CDH23: variants seen among roughly 807,000 people sequenced by gnomAD.
The protein encoded by CDH23 is cadherin related 23.
CDH23 carries 189 observed loss-of-function variants against 317.1 expected under a neutral mutation model. The ratio of observed to expected loss-of-function variants is 0.60; its 90% CI spans 0.53 to 0.67. CDH23 has a LOEUF of 0.67. Among genes scored for constraint, CDH23 ranks in the 30% least tolerant of loss-of-function variants. The pLI is 0.00. For missense variants in CDH23, 4,401 were observed against 4,592.4 expected (o/e 0.96, Z 1.20); for synonymous variants, 1,839 against 1,876.8 (o/e 0.98, Z 0.52).
At chr10:71,458,576 C>T (rs2132054024) in intron 3 of CDH23, among the ~76,000 whole-genome samples, 1 of 152,332 alleles carries the variant, frequency 6.6e-6, no homozygotes, top group Non-Finnish European at 1.5e-5. Flanking sequence ...AGCAATTCAT[C>T]TTTAAATGCT....
At chr10:71,442,020 G>T (rs568507648) in intron 2 of CDH23, among the ~76,000 whole-genome samples, 2 of 152,324 alleles carry the variant, frequency 1.3e-5, no homozygotes, top group African/African-American at 2.4e-5. Context: ...TTGTCAAAGT[G>T]ATCAAATGGA....
At chr10:71,442,647 G>C (rs865802933) in intron 2 of CDH23, among the ~76,000 whole-genome samples, 2 of 152,182 alleles carry the variant, frequency 1.3e-5, no homozygotes, top group African/African-American at 4.8e-5. Context: ...CCGTGGGCTT[G>C]TTGGGGAGGC....
intron 3 of CDH23, among the ~76,000 whole-genome samples, chr10:71,469,245 C>T (rs575554168): frequency 2.0e-5 from 3 of 152,304 alleles, no homozygotes; most frequent in South Asian, 2.1e-4. Flanking sequence ...ATTAAGATAG[C>T]GAACATATCC....
rs748143910 is a variant in CDH23 at position 71,707,056 on chromosome 10, C to T, written c.3106+7C>T. The T allele has an allele frequency of 2.1e-5, 33 of 1,596,650 alleles. No homozygotes were observed. The highest frequency in any genetic ancestry group is 2.6e-5 in the Non-Finnish European group (31 of 1,171,958). ...CTCAGCTACTTCATCACAGGTGCTGCCCCGGCCTCCGCCCACCTGTGCAGG... is the reference window on the plus strand; with the variant it reads ...CTCAGCTACTTCATCACAGGTGCTGTCCCGGCCTCCGCCCACCTGTGCAGG... On this transcript the variant is annotated splice_region_variant and intron_variant, in intron 26 of 69. Coordinates refer to ENST00000224721, the MANE Select transcript of CDH23 (RefSeq NM_022124.6).
intron 27 of CDH23, among the ~76,000 whole-genome samples, chr10:71,709,477 A>C (rs1258456763): frequency 1.3e-5 from 2 of 152,260 alleles, no homozygotes; most frequent in Non-Finnish European, 2.9e-5. Flanking sequence ...CAGGCAAGCC[A>C]GCAGGAAGGG....
At chr10:71,639,417 G>T (rs1862428197) in intron 11 of CDH23, among the ~76,000 whole-genome samples, 1 of 152,216 alleles carries the variant, frequency 6.6e-6, no homozygotes, top group South Asian at 2.1e-4. Context: ...ACCAGTCCAG[G>T]CTTTGTGCCC....
chr10:71,439,787 A>C (rs1849786488), intron 1 of CDH23, 40 bp from the exon 2 acceptor site: 2 of 1,482,348 alleles, frequency 1.3e-6, no homozygotes, highest in South Asian at 2.4e-5. Context: ...TCTGCCACCC[A>C]GGAAGCTTCT....
In CDH23 at chr10:71,812,526, G is replaced by T; in HGVS notation, c.9427G>T (p.Ala3143Ser). 1 of 1,613,922 alleles carries T rather than the reference G, an allele frequency of 6.2e-7. No individual in the cohort carries two copies. The highest frequency in any genetic ancestry group is 2.2e-5 in the East Asian group (1 of 44,884). Residue 3143 changes from alanine to serine, a missense_variant, in exon 67 of 70, where the codon GCC becomes TCC. This residue lies in a region of CDH23 where 1,144 missense variants were observed against 1,138.2 expected (regional missense o/e 1.01). Coordinates refer to ENST00000224721, the MANE Select transcript of CDH23 (RefSeq NM_022124.6). ...TCCCTTCTGTCGGAACCTGGAGCTG[G>T]CCGCCCAGGCGGAGCATGAGGATGA... ...LDPFCRNLEL[A>S]AQAEHEDDLP...
intron 45 of CDH23, 93 bp from the exon 46 acceptor site, chr10:71,790,195 A>G (rs953150577): frequency 2.0e-5 from 31 of 1,517,310 alleles, no homozygotes; most frequent in Non-Finnish European, 2.8e-5. Flanking sequence ...CCTCTCATCC[A>G]TCGTCAGCCA....
Position 71,530,274 on chromosome 10 carries a change from C to T in CDH23, c.429+19062C>T, listed in dbSNP as rs77335194. On this transcript the variant is annotated intron_variant, in intron 6 of 69. Transcript: ENST00000224721. ...CCCTCCTTGGGGGCTCTGGACCCGT[C>T]GGCCAGGCTGGGTGAGGAGAGAGAG... Among the ~76,000 whole-genome samples, 454 of 152,322 alleles carry T rather than the reference C, an allele frequency of 3.0e-3. 13 individuals are homozygous for T. In the East Asian group the frequency reaches 0.062, roughly 21 times the overall value.
At chr10:71,418,088 T>C (rs116609510) in intron 1 of CDH23, among the ~76,000 whole-genome samples, 2,605 of 152,322 alleles carry the variant, frequency 0.017, 78 homozygotes, top group African/African-American at 0.058. Context: ...ATTCATCTTT[T>C]TTCAACTATT....
At chr10:71,473,263 C>T (rs1413586238) in intron 3 of CDH23, among the ~76,000 whole-genome samples, 1 of 152,188 alleles carries the variant, frequency 6.6e-6, no homozygotes, top group Non-Finnish European at 1.5e-5. Context: ...TGGACTTACT[C>T]AGGGGCTGTA....
At chr10:71,428,043 T>C (rs1304806363) in intron 1 of CDH23, among the ~76,000 whole-genome samples, 1 of 152,100 alleles carries the variant, frequency 6.6e-6, no homozygotes, top group Non-Finnish European at 1.5e-5. Context: ...ACTGTCATGC[T>C]ACTTTCTCCA....
chr10:71,396,942 G>T lies in CDH23; in HGVS notation c.-382G>T. 1 of 153,532 alleles carries T rather than the reference G, an allele frequency of 6.5e-6. No homozygotes were observed. Among genetic ancestry groups the T allele is most frequent in the South Asian group, 1.9e-4 (1 of 5,326 alleles). The allele number at this position is 153,532 out of a possible 1,614,324, so 9.5% of individuals were successfully genotyped here. ...GTTGATCGCGGACTTGAGCGGCGGC[G>T]GCGGCTCGGGAGAGAGGGACGCGGG... On this transcript the variant is annotated 5_prime_UTR_variant, in exon 1 of 70. Transcript: ENST00000224721. The surrounding 1 kb of genome is among the most constrained non-coding windows in gnomAD (Gnocchi z 4.2).
At position 71,690,556 on chromosome 10, in the gene CDH23, C is replaced by T; in HGVS notation, c.2148C>T (p.Ser716=). Residue 716 remains serine (S), a synonymous_variant, in exon 20 of 70, where the codon TCC becomes TCT. Transcript: ENST00000224721. ...CCATCATCTACTCCTTGGAAGGCTC[C>T]ACCCAGTTTCGGATCAATGCCCGCT... ...QESIIYSLEG[S]TQFRINARSG... is the part of the protein sequence containing the mutation. 6.2e-7 allele frequency: 1 copy of T among 1,607,026 alleles called. No homozygotes were observed. The highest frequency in any genetic ancestry group is 1.1e-5 in the South Asian group (1 of 89,088).
At chr10:71,701,013 G>A (rs1442371739) in intron 22 of CDH23, among the ~76,000 whole-genome samples, 1 of 152,168 alleles carries the variant, frequency 6.6e-6, no homozygotes, top group African/African-American at 2.4e-5. Context: ...ACACTGTCCT[G>A]ATGTGGCCCC....
At chr10:71,810,364 A>T in intron 61 of CDH23, 108 bp from the exon 62 acceptor site, 1 of 1,020,998 alleles carries the variant, frequency 9.8e-7, no homozygotes, top group African/African-American at 1.6e-5. Flanking sequence ...TTCAGTAGTG[A>T]AGGGTCTATT....
At chr10:71,732,815 C>A in intron 32 of CDH23, 5 of 588,696 alleles carry the variant, frequency 8.5e-6, no homozygotes, top group Non-Finnish European at 1.1e-5. Context: ...GGTTTTCCCC[C>A]ATTATCGGCA....
At chr10:71,813,404 C>CT in intron 69 of CDH23, 56 bp downstream of exon 69, 1 of 1,382,204 alleles carries the variant, frequency 7.2e-7, no homozygotes, top group Non-Finnish European at 1.0e-6. Context: ...GGGATGCTCT[C>CT]TGTCTCTTGC....
Sources: gnomAD v4.1 joint callset for allele counts (sites outside exome capture counted in the v4.1 genomes callset) on GRCh38, gnomAD v4.1.1 for gene constraint, gnomAD v4.1.1 regional missense constraint, Gnocchi (gnomAD v3.1) non-coding constraint, MANE v1.5 for transcripts, NCBI Gene and HGNC (gene_info 2026-07-23, HGNC 2026-07-21) for gene names.